The following TAB2 variants were observed in gnomAD, a reference collection of about 807,000 sequenced individuals.
TAB2 encodes TGF-beta activated kinase 1 (MAP3K7) binding protein 2, also known as TGF-beta-activated kinase 1 and MAP3K7-binding protein 2.
In TAB2, 3 loss-of-function variants were observed where a neutral mutation model predicts 65.0. That is an observed-to-expected ratio of 0.05 (90% CI 0.02 to 0.12). The LOEUF is 0.12. Among genes scored for constraint, TAB2 ranks in the 10% least tolerant of loss-of-function variants. The probability of loss-of-function intolerance (pLI) is 1.00; values close to 1 mark genes in which losing one functional copy is unlikely to be tolerated. For missense variants in TAB2, 623 were observed against 840.3 expected, an observed-to-expected ratio of 0.74 and a Z score of 3.20; for synonymous variants, 298 against 285.1, an observed-to-expected ratio of 1.05 and a Z score of -0.46.
intron 1 of TAB2, among the ~76,000 whole-genome samples, chr6:149,339,047 C>A (rs554662861): frequency 4.6e-5 from 7 of 152,304 alleles, no homozygotes; most frequent in African/African-American, 1.7e-4. Context: ...ACGTGGGAAG[C>A]ACAGATAGCG....
At chr6:149,253,856 A>G (rs368793241) in intron 1 of TAB2, among the ~76,000 whole-genome samples, 36 of 150,960 alleles carry the variant, frequency 2.4e-4, no homozygotes, top group African/African-American at 8.5e-4. Flanking sequence ...TAGGAGGCAG[A>G]GGTTGCAGTG....
chr6:149,261,123 T>C (rs1461935346), intron 1 of TAB2, among the ~76,000 whole-genome samples: 3 of 152,194 alleles, frequency 2.0e-5, no homozygotes, highest in Non-Finnish European at 4.4e-5. Context: ...GCAAGAAATA[T>C]ACATTTCAAA....
At chr6:149,294,602 T>C (rs1006830765) in intron 1 of TAB2, among the ~76,000 whole-genome samples, 2 of 152,242 alleles carry the variant, frequency 1.3e-5, no homozygotes, top group Non-Finnish European at 2.9e-5. Context: ...TTTGGTTAAA[T>C]TATAGCTTCT....
chr6:149,343,297 C>T (rs189689110), intron 1 of TAB2, among the ~76,000 whole-genome samples: 5 of 148,120 alleles, frequency 3.4e-5, no homozygotes, highest in Admixed American at 2.7e-4. Flanking sequence ...GGCGAAACCC[C>T]GCCTCCACTA....
chr6:149,260,404 C>T (rs568311294), intron 1 of TAB2, among the ~76,000 whole-genome samples: 41 of 152,296 alleles, frequency 2.7e-4, no homozygotes, highest in Non-Finnish European at 5.1e-4. Flanking sequence ...AAGGCCTTAC[C>T]GGGCATTTGC....
At chr6:149,240,986 A>G (rs1381223685) in intron 1 of TAB2, among the ~76,000 whole-genome samples, 3 of 152,190 alleles carry the variant, frequency 2.0e-5, no homozygotes, top group Admixed American at 6.5e-5. Flanking sequence ...CCCTAATCCA[A>G]TAGTGATAAT....
chr6:149,249,155 C>T lies in TAB2; in HGVS notation c.-121+30379C>T, dbSNP rs9404020. ...ACACATACACACACACACACACATA[C>T]ACACACACACACACGCACACACACA... is the stretch of plus-strand genomic sequence containing the variant. On this transcript the variant is annotated intron_variant, in intron 1 of 1. Transcript: ENST00000606202. Among the ~76,000 whole-genome samples, 95 of 62,182 alleles carry T rather than the reference C, an allele frequency of 1.5e-3. 1 individual carries two copies. The highest frequency in any genetic ancestry group is 3.3e-4 in the African/African-American group (3 of 8,972). The allele number at this position is 62,182 out of a possible 152,430, so 40.8% of individuals were successfully genotyped here.
intron 1 of TAB2, among the ~76,000 whole-genome samples, chr6:149,318,352 G>A (rs1779326232): frequency 6.6e-6 from 1 of 152,062 alleles, no homozygotes; most frequent in African/African-American, 2.4e-5. Context: ...GGCTCGGGAG[G>A]GCCCCTCCCT....
intron 1 of TAB2, among the ~76,000 whole-genome samples, chr6:149,237,727 A>G (rs947846987): frequency 4.6e-5 from 7 of 152,192 alleles, no homozygotes; most frequent in African/African-American, 9.6e-5. Context: ...TAACGGCATC[A>G]CTTTTGACAG....
At chr6:149,358,360 A>T (rs1780736845) in intron 1 of TAB2, among the ~76,000 whole-genome samples, 1 of 152,192 alleles carries the variant, frequency 6.6e-6, no homozygotes, top group African/African-American at 2.4e-5. Context: ...TTAAGTACTT[A>T]TGTGAAATTT....
intron 1 of TAB2, among the ~76,000 whole-genome samples, chr6:149,300,054 G>A (rs1778944508): frequency 6.6e-6 from 1 of 152,028 alleles, no homozygotes; most frequent in Non-Finnish European, 1.5e-5. Context: ...TCTGGCTAAA[G>A]GTAGAAATAT....
At position 149,248,966 on chromosome 6, in the gene TAB2, T is replaced by C. The variant is rs531115140; in HGVS notation, c.-121+30190T>C. On this transcript the variant is annotated intron_variant, in intron 1 of 1. Coordinates refer to the TAB2 transcript ENST00000606202. ...CACGCCTCACCATCCCCCATACACA[T>C]ACACACAGAGGCCAAATTACACAGC... 4.3e-4 allele frequency among the ~76,000 whole-genome samples: 65 copies of C among 152,104 alleles called. 2 individuals carry two copies. The highest frequency in any genetic ancestry group is 1.7e-3 in the Admixed American group (26 of 15,278).
intron 3 of TAB2, among the ~76,000 whole-genome samples, chr6:149,390,683 T>C (rs1781954706): frequency 6.6e-6 from 1 of 152,228 alleles, no homozygotes; most frequent in South Asian, 2.1e-4. Context: ...AGAGCCCTGG[T>C]GCTTGAATTC....
chr6:149,402,023 A>T (rs1056401270), intron 6 of TAB2, among the ~76,000 whole-genome samples: 10 of 151,770 alleles, frequency 6.6e-5, no homozygotes, highest in South Asian at 2.1e-4. Flanking sequence ...AAAGATCTCA[A>T]TTATACCTCA....
At chr6:149,233,720 A>G (rs1338994990) in intron 1 of TAB2, among the ~76,000 whole-genome samples, 1 of 152,220 alleles carries the variant, frequency 6.6e-6, no homozygotes, top group Non-Finnish European at 1.5e-5. Flanking sequence ...TAAATTTCTC[A>G]AGGCCAGAAA....
At chr6:149,368,556 C>G (rs1432925141) in intron 1 of TAB2, among the ~76,000 whole-genome samples, 1 of 151,952 alleles carries the variant, frequency 6.6e-6, no homozygotes, top group African/African-American at 2.4e-5. Context: ...ATTGTCGCCA[C>G]TTAAATTATT....
chr6:149,296,184 C>G (rs539819751), intron 1 of TAB2, among the ~76,000 whole-genome samples: 61 of 152,276 alleles, frequency 4.0e-4, no homozygotes, highest in Admixed American at 7.8e-4. Flanking sequence ...TGCTCCTGCC[C>G]GTGAGGGTCA....
chr6:149,339,459 C>G (rs571382949), intron 1 of TAB2, among the ~76,000 whole-genome samples: 5 of 152,092 alleles, frequency 3.3e-5, no homozygotes, highest in Admixed American at 6.6e-5. Flanking sequence ...GTCTGCCATT[C>G]TGTAATTTTT....
intron 1 of TAB2, among the ~76,000 whole-genome samples, chr6:149,264,602 C>T (rs757558640): frequency 1.3e-5 from 2 of 152,140 alleles, no homozygotes; most frequent in Non-Finnish European, 2.9e-5. Flanking sequence ...AAAACAGACA[C>T]CCTACTCTGC....
Sources: gnomAD v4.1 joint callset for allele counts (sites outside exome capture counted in the v4.1 genomes callset) on GRCh38, gnomAD v4.1.1 for gene constraint, MANE v1.5 for transcripts, NCBI Gene and HGNC (gene_info 2026-07-23, HGNC 2026-07-21) for gene names.